KCNMA1: variants seen among roughly 807,000 people sequenced by gnomAD.
KCNMA1 encodes the protein potassium calcium-activated channel subfamily M alpha 1, also known as Calcium-activated potassium channel subunit alpha-1.
A neutral mutation model predicts 140.0 loss-of-function variants in KCNMA1; 29 were observed. The observed-to-expected ratio is 0.21, with a 90% CI of 0.15 to 0.28. The LOEUF is 0.28. Ranked by LOEUF, KCNMA1 falls within the 10% of genes least tolerant of loss-of-function variation. KCNMA1 has a pLI of 1.00. For synonymous variants in KCNMA1, 612 were observed against 611.9 expected (o/e 1.00, Z 0.00); for missense variants, 880 against 1,602.2 (o/e 0.55, Z 7.70).
chr10:77,344,667 C>T (rs931904160), intron 2 of KCNMA1, among the ~76,000 whole-genome samples: 7 of 151,968 alleles, frequency 4.6e-5, no homozygotes, highest in African/African-American at 1.7e-4. Context: ...TGACTGTCTT[C>T]CCTCTTCACT....
intron 25 of KCNMA1, chr10:76,902,394 T>C (rs986149230): frequency 1.3e-5 from 2 of 152,258 alleles, no homozygotes; most frequent in African/African-American, 4.8e-5. Flanking sequence ...ATGATACCTG[T>C]GCTAGAAGTC....
intron 3 of KCNMA1, chr10:77,250,741 T>C (rs1217411885): frequency 1.0e-5 from 2 of 200,550 alleles, no homozygotes; most frequent in Non-Finnish European, 2.1e-5. Context: ...GATAGCATCA[T>C]GCTTTCTAAT....
chr10:77,136,887 C>T (rs578148971), intron 5 of KCNMA1, among the ~76,000 whole-genome samples: 1 of 152,296 alleles, frequency 6.6e-6, no homozygotes, highest in South Asian at 2.1e-4. Context: ...CCTGTACTCA[C>T]ATGCAAGATT....
chr10:77,111,777 G>A (rs1182352268), intron 7 of KCNMA1, among the ~76,000 whole-genome samples: 1 of 152,190 alleles, frequency 6.6e-6, no homozygotes, highest in Admixed American at 6.5e-5. Flanking sequence ...GTCTATGTTT[G>A]CATGAAACAC....
chr10:77,116,220 C>T (rs1368783245), intron 6 of KCNMA1, among the ~76,000 whole-genome samples: 1 of 152,188 alleles, frequency 6.6e-6, no homozygotes, highest in Non-Finnish European at 1.5e-5. Context: ...GTTGCCTATA[C>T]AATTCCTGAG....
intron 2 of KCNMA1, among the ~76,000 whole-genome samples, chr10:77,392,721 T>C (rs1465390705): frequency 6.6e-6 from 1 of 152,186 alleles, no homozygotes; most frequent in Non-Finnish European, 1.5e-5. Context: ...TGGGTCTTTA[T>C]CTTCTGGTGA....
intron 25 of KCNMA1, among the ~76,000 whole-genome samples, chr10:76,897,110 T>G (rs920906798): frequency 3.9e-5 from 6 of 152,146 alleles, no homozygotes; most frequent in African/African-American, 1.4e-4. Flanking sequence ...TATAGGGATT[T>G]TTGTTTGTTT....
chr10:77,283,509 A>G (rs967312368), intron 2 of KCNMA1, among the ~76,000 whole-genome samples: 24 of 152,202 alleles, frequency 1.6e-4, no homozygotes, highest in Non-Finnish European at 3.1e-4. Flanking sequence ...TTGATAAAGT[A>G]CAGCACATGC....
chr10:77,022,888 T>C (rs1204786635), intron 16 of KCNMA1: 1 of 450,278 alleles, frequency 2.2e-6, no homozygotes, highest in Non-Finnish European at 4.5e-6. Context: ...ATCTCTCAGA[T>C]GTGTTAAGTA....
chr10:76,995,435 A>G (rs1294726842), intron 19 of KCNMA1: 8 of 393,132 alleles, frequency 2.0e-5, no homozygotes, highest in Non-Finnish European at 4.3e-5. Flanking sequence ...CGGACTTGAC[A>G]TTTGCTCCAA....
chr10:77,554,514 T>G (rs1161818808), intron 1 of KCNMA1, among the ~76,000 whole-genome samples: 1 of 147,082 alleles, frequency 6.8e-6, no homozygotes, highest in Non-Finnish European at 1.5e-5. Flanking sequence ...GGAGAATCAC[T>G]TGAACCTGGG....
chr10:77,459,993 A>T (rs2097832716), intron 1 of KCNMA1, among the ~76,000 whole-genome samples: 2 of 152,252 alleles, frequency 1.3e-5, no homozygotes, highest in African/African-American at 2.4e-5. Flanking sequence ...GATAGCAAAT[A>T]TTCTATGGCA....
At chr10:77,624,832 G>T (rs138505613) in intron 1 of KCNMA1, among the ~76,000 whole-genome samples, 1 of 151,890 alleles carries the variant, frequency 6.6e-6, no homozygotes, top group Non-Finnish European at 1.5e-5. Flanking sequence ...GCAGAAAGAG[G>T]GTTGTTCTCT....
At chr10:77,491,445 A>G (rs2039820204) in intron 1 of KCNMA1, among the ~76,000 whole-genome samples, 1 of 152,102 alleles carries the variant, frequency 6.6e-6, no homozygotes, top group South Asian at 2.1e-4. Context: ...GCGTGCTATT[A>G]TTACCTGGCA....
intron 6 of KCNMA1, among the ~76,000 whole-genome samples, chr10:77,114,738 C>G (rs756561736): frequency 6.6e-6 from 1 of 152,192 alleles, no homozygotes; most frequent in African/African-American, 2.4e-5. Flanking sequence ...GGTAATTGAT[C>G]CTACTGACTT....
chr10:77,369,405 G>C (rs1023476208), intron 2 of KCNMA1, among the ~76,000 whole-genome samples: 2 of 152,168 alleles, frequency 1.3e-5, no homozygotes, highest in Non-Finnish European at 2.9e-5. Flanking sequence ...ATGTCTTGTA[G>C]GTGATTCTAA....
intron 1 of KCNMA1, among the ~76,000 whole-genome samples, chr10:77,573,858 G>C (rs1333891920): frequency 3.6e-5 from 5 of 138,614 alleles, no homozygotes; most frequent in Non-Finnish European, 4.6e-5. Flanking sequence ...TTTTTTCTGA[G>C]ACAGGGTCTC....
intron 2 of KCNMA1, among the ~76,000 whole-genome samples, chr10:77,393,336 C>G (rs577728978): frequency 6.6e-6 from 1 of 152,342 alleles, no homozygotes; most frequent in East Asian, 1.9e-4. Context: ...CCGTCTGTCT[C>G]CATACCAGCC....
chr10:77,114,109 T>C (rs1192464257), intron 6 of KCNMA1, among the ~76,000 whole-genome samples: 1 of 152,226 alleles, frequency 6.6e-6, no homozygotes, highest in Non-Finnish European at 1.5e-5. Context: ...TTTCCCTTTG[T>C]AATGAATATG....
Sources: allele counts gnomAD v4.1 joint callset (sites outside exome capture counted in the v4.1 genomes callset), GRCh38; gene constraint gnomAD v4.1.1; transcripts MANE v1.5; gene names NCBI Gene and HGNC (gene_info 2026-07-23, HGNC 2026-07-21).